The following NAALADL2 variants were observed in gnomAD, a reference collection of about 807,000 sequenced individuals.
NAALADL2 encodes the protein N-acetylated alpha-linked acidic dipeptidase like 2.
Under a neutral mutation model 87.2 loss-of-function variants are expected in NAALADL2, and 76 were observed. That is an observed-to-expected ratio of 0.87 (90% CI 0.72 to 1.05). NAALADL2 has a LOEUF of 1.05. Ranked by LOEUF, NAALADL2 falls within the 50% of genes least tolerant of loss-of-function variation. The pLI, the probability that NAALADL2 is intolerant of heterozygous loss-of-function variation, is 0.00. For missense variants in NAALADL2, 1,089 were observed against 945.8 expected (o/e 1.15, Z -1.99); for synonymous variants, 354 against 331.0 (o/e 1.07, Z -0.75).
intron 2 of NAALADL2, among the ~76,000 whole-genome samples, chr3:175,107,511 TACAC>T (rs776469358): frequency 0.012 from 1,353 of 117,358 alleles, 20 homozygotes; most frequent in African/African-American, 0.039. Context: ...AACACACACA[TACAC>T]ACACACACAC....
chr3:175,012,677 A>C (rs1368346029), intron 1 of NAALADL2, among the ~76,000 whole-genome samples: 1 of 152,074 alleles, frequency 6.6e-6, no homozygotes, highest in Non-Finnish European at 1.5e-5. Context: ...AGCCATGCCT[A>C]TGCATTTAGT....
chr3:175,770,710 C>G (rs1583174553), intron 13 of NAALADL2, among the ~76,000 whole-genome samples: 1 of 152,170 alleles, frequency 6.6e-6, no homozygotes, highest in Non-Finnish European at 1.5e-5. Context: ...TCAAAGCTTA[C>G]ATATGCTACA....
intron 1 of NAALADL2, among the ~76,000 whole-genome samples, chr3:174,489,188 A>T (rs1718036086): frequency 6.6e-6 from 1 of 152,044 alleles, no homozygotes; most frequent in Non-Finnish European, 1.5e-5. Context: ...TTAAACTCAG[A>T]TTTATGGTGA....
At position 175,540,793 on chromosome 3, in the gene NAALADL2, G is replaced by A. The variant is rs530673584; in HGVS notation, c.1654-35248G>A. ...TGAGAAACAGGATAAGTGAATAGTA[G>A]TACCATTTACTAAATAGGGGCGACT... On this transcript the variant is annotated intron_variant, in intron 9 of 13. Transcript: ENST00000454872. 2.6e-5 allele frequency among the ~76,000 whole-genome samples: 4 copies of A among 152,134 alleles called. No homozygotes were observed. The South Asian group carries it at 6.2e-4, about 24-fold the overall frequency.
intron 1 of NAALADL2, among the ~76,000 whole-genome samples, chr3:174,932,329 A>T (rs1737020896): frequency 6.6e-6 from 1 of 152,244 alleles, no homozygotes; most frequent in African/African-American, 2.4e-5. Context: ...GCATAGTGAC[A>T]TTATATAAAA....
rs188730905 is a variant in NAALADL2, at chr3:174,790,753, T to C, written c.-9+53007T>C. Reference sequence around the variant, plus strand: ...GTGTAGAAAAATAATAAGTTGTAAATCATTAACATACCAATACAATAATAT... The same window carrying C: ...GTGTAGAAAAATAATAAGTTGTAAACCATTAACATACCAATACAATAATAT... On this transcript the variant is annotated intron_variant, in intron 3 of 3. Transcript: ENST00000434257. Among the ~76,000 whole-genome samples the C allele has an allele frequency of 2.8e-3, 432 of 152,246 alleles. 1 individual carries two copies. Among genetic ancestry groups the C allele is most frequent in the African/African-American group, 9.9e-3 (411 of 41,554 alleles).
In NAALADL2 at chr3:174,546,611, T is replaced by G. The variant is rs1722759428; in HGVS notation, c.-183-3958T>G. Among the ~76,000 whole-genome samples, 3 of 152,214 alleles carry G rather than the reference T, an allele frequency of 2.0e-5. No homozygotes were observed. The South Asian group carries it at 6.2e-4, about 32-fold the overall frequency. ...GCTCTGCTAATTCAGATACACTTCTTTTACCCTTTTTCTGTCTTGTGACAG... is the reference window on the plus strand; with the variant it reads ...GCTCTGCTAATTCAGATACACTTCTGTTACCCTTTTTCTGTCTTGTGACAG... On this transcript the variant is annotated intron_variant, in intron 1 of 3. Coordinates refer to the NAALADL2 transcript ENST00000434257.
intron 4 of NAALADL2, among the ~76,000 whole-genome samples, chr3:175,265,683 C>G (rs541702980): frequency 6.6e-6 from 1 of 151,506 alleles, no homozygotes; most frequent in Non-Finnish European, 1.5e-5. Context: ...GAAAAAAATA[C>G]TTCTCCCTAA....
chr3:175,471,803 C>T, intron 9 of NAALADL2, 45 bp downstream of exon 9: 2 of 1,498,194 alleles, frequency 1.3e-6, no homozygotes, highest in Non-Finnish European at 1.8e-6. Flanking sequence ...CAAAACCGAC[C>T]TTTTCTCTAT....
chr3:175,395,391 C>A (rs1327888864), intron 5 of NAALADL2, among the ~76,000 whole-genome samples: 3 of 152,156 alleles, frequency 2.0e-5, no homozygotes, highest in Non-Finnish European at 2.9e-5. Flanking sequence ...CACTGTTATT[C>A]ATCTTTTCTA....
chr3:174,800,594 C>T (rs538406327), intron 3 of NAALADL2, among the ~76,000 whole-genome samples: 6 of 152,178 alleles, frequency 3.9e-5, no homozygotes, highest in Non-Finnish European at 8.8e-5. Flanking sequence ...CCCCTCCCCC[C>T]CAACAGAGTC....
chr3:174,547,684 A>T (rs567484281), intron 1 of NAALADL2, among the ~76,000 whole-genome samples: 1 of 152,026 alleles, frequency 6.6e-6, no homozygotes, highest in Non-Finnish European at 1.5e-5. Context: ...CTAAGATATC[A>T]TTTTTCTATA....
intron 2 of NAALADL2, among the ~76,000 whole-genome samples, chr3:174,725,602 G>T (rs990219138): frequency 6.6e-6 from 1 of 152,016 alleles, no homozygotes; most frequent in African/African-American, 2.4e-5. Flanking sequence ...TCTACTACAT[G>T]GTTCAAACTG....
chr3:174,621,118 T>C (rs1720953545), intron 2 of NAALADL2, among the ~76,000 whole-genome samples: 1 of 152,008 alleles, frequency 6.6e-6, no homozygotes, highest in South Asian at 2.1e-4. Flanking sequence ...GAGAGATGTA[T>C]TTGACAGTCT....
In NAALADL2 at chr3:174,956,671, C is replaced by A. The variant is rs1313438770; in HGVS notation, c.43+97221C>A. Among the ~76,000 whole-genome samples the A allele has an allele frequency of 3.9e-5, 6 of 151,996 alleles. 1 individual carries two copies. Among genetic ancestry groups the A allele is most frequent in the Non-Finnish European group, 8.8e-5 (6 of 67,958 alleles). ...TAGCTGACTCTATCTCTTGGAGGAT[C>A]TAAAAACACTTCTTTGGGCCTGCCA... On this transcript the variant is annotated intron_variant, in intron 1 of 13. Transcript: ENST00000454872.
intron 11 of NAALADL2, among the ~76,000 whole-genome samples, chr3:175,640,437 G>T (rs556326877): frequency 2.2e-4 from 33 of 152,174 alleles, no homozygotes; most frequent in Non-Finnish European, 3.4e-4. Flanking sequence ...TGATATATGT[G>T]TTCTCACTTT....
chr3:175,700,786 A>G (rs1395336290), intron 11 of NAALADL2, among the ~76,000 whole-genome samples: 1 of 152,140 alleles, frequency 6.6e-6, no homozygotes, highest in Non-Finnish European at 1.5e-5. Flanking sequence ...TATTAAGTTA[A>G]ATTATAACTG....
At chr3:175,747,326 T>A (rs1746052920) in intron 12 of NAALADL2, among the ~76,000 whole-genome samples, 1 of 152,208 alleles carries the variant, frequency 6.6e-6, no homozygotes. Context: ...CCTTTGAAGT[T>A]TTCTTCTGAG....
chr3:175,016,259 T>TTA (rs368712908), intron 1 of NAALADL2, among the ~76,000 whole-genome samples: 13,880 of 118,920 alleles, frequency 0.12, 925 homozygotes, highest in African/African-American at 0.26. Context: ...GATAAATTAT[T>TTA]TATATATATA....
Sources: gnomAD v4.1 joint callset for allele counts (sites outside exome capture counted in the v4.1 genomes callset) on GRCh38, gnomAD v4.1.1 for gene constraint, MANE v1.5 for transcripts, NCBI Gene and HGNC (gene_info 2026-07-23, HGNC 2026-07-21) for gene names.